Variants in KCNH8 observed in about 807,000 individuals in gnomAD.
KCNH8 encodes the protein voltage-gated delayed rectifier potassium channel KCNH8.
In KCNH8, 70 loss-of-function variants were observed where a neutral mutation model predicts 103.6. The ratio of observed to expected loss-of-function variants is 0.68; its 90% CI spans 0.56 to 0.82. KCNH8 has a LOEUF of 0.82. KCNH8 is among the 40% of genes least tolerant of loss of function. The pLI is 0.00. For synonymous variants in KCNH8, 498 were observed against 489.4 expected, an observed-to-expected ratio of 1.02 and a Z score of -0.23; for missense variants, 1,217 against 1,329.9, an observed-to-expected ratio of 0.92 and a Z score of 1.32.
chr3:19,499,240 A>C (rs1406125849), intron 11 of KCNH8, among the ~76,000 whole-genome samples: 4 of 152,176 alleles, frequency 2.6e-5, no homozygotes, highest in Admixed American at 2.0e-4. Context: ...AGTTTAGAGA[A>C]AAAAGAATAA....
chr3:19,364,821 A>G (rs1012460060), intron 5 of KCNH8, among the ~76,000 whole-genome samples: 2 of 152,146 alleles, frequency 1.3e-5, no homozygotes, highest in African/African-American at 2.4e-5. Context: ...TTACAAATCA[A>G]CTGTCAGTTC....
chr3:19,301,324 T>A (rs2065061818), intron 3 of KCNH8, among the ~76,000 whole-genome samples: 1 of 149,072 alleles, frequency 6.7e-6, no homozygotes, highest in Non-Finnish European at 1.5e-5. Context: ...ATTAGGGAAA[T>A]ATAAAGAAAA....
At chr3:19,260,513 T>TATATAC (rs2064418670) in intron 2 of KCNH8, among the ~76,000 whole-genome samples, 1 of 129,930 alleles carries the variant, frequency 7.7e-6, no homozygotes, top group Admixed American at 7.5e-5. Context: ...TATATATATA[T>TATATAC]ATATATATAT....
intron 2 of KCNH8, among the ~76,000 whole-genome samples, chr3:19,257,257 T>A (rs1186177669): frequency 6.6e-6 from 1 of 152,058 alleles, no homozygotes; most frequent in Non-Finnish European, 1.5e-5. Flanking sequence ...CTTTGCCTAT[T>A]TGTTCCTTAA....
chr3:19,425,515 T>C (rs1333407912), intron 7 of KCNH8, among the ~76,000 whole-genome samples: 1 of 152,158 alleles, frequency 6.6e-6, no homozygotes, highest in Non-Finnish European at 1.5e-5. Context: ...ATTAGCTAAT[T>C]AAGGGCTAGA....
chr3:19,358,760 T>C (rs1196149794), intron 5 of KCNH8, among the ~76,000 whole-genome samples: 3 of 151,934 alleles, frequency 2.0e-5, no homozygotes, highest in Non-Finnish European at 4.4e-5. Flanking sequence ...AAAAGCAGTG[T>C]GTCACCTTTT....
chr3:19,258,050 A>G (rs1241816491), intron 2 of KCNH8, among the ~76,000 whole-genome samples: 3 of 152,016 alleles, frequency 2.0e-5, no homozygotes, highest in African/African-American at 7.2e-5. Context: ...TGAGGGTATC[A>G]GTCACATTGG....
intron 3 of KCNH8, among the ~76,000 whole-genome samples, chr3:19,301,969 T>C (rs1343819570): frequency 6.6e-6 from 1 of 152,214 alleles, no homozygotes; most frequent in Non-Finnish European, 1.5e-5. Context: ...CTTCTGTTAC[T>C]GTGAACAAGG....
chr3:19,156,981 TTA>T (rs1491581075), intron 1 of KCNH8, among the ~76,000 whole-genome samples: 1 of 150,836 alleles, frequency 6.6e-6, no homozygotes, highest in Non-Finnish European at 1.5e-5. Context: ...TTTTTTTTTT[TTA>T]AAAAAAAGGT....
At chr3:19,305,280 A>G (rs2065115829) in intron 3 of KCNH8, among the ~76,000 whole-genome samples, 1 of 152,166 alleles carries the variant, frequency 6.6e-6, no homozygotes, top group East Asian at 1.9e-4. Flanking sequence ...GGTAGAAAAA[A>G]TAGATTTTCA....
At chr3:19,219,438 G>A (rs570592584) in intron 1 of KCNH8, among the ~76,000 whole-genome samples, 1 of 152,062 alleles carries the variant, frequency 6.6e-6, no homozygotes, top group South Asian at 2.1e-4. Context: ...TTTTTATTCT[G>A]TTGTAATCCA....
At chr3:19,294,685 C>T (rs2064972861) in intron 3 of KCNH8, among the ~76,000 whole-genome samples, 1 of 152,076 alleles carries the variant, frequency 6.6e-6, no homozygotes, top group African/African-American at 2.4e-5. Context: ...CTTTTTCTCC[C>T]AAAACCTTTT....
chr3:19,480,810 C>CT (rs1294421922), intron 11 of KCNH8, among the ~76,000 whole-genome samples: 1 of 152,130 alleles, frequency 6.6e-6, no homozygotes, highest in Non-Finnish European at 1.5e-5. Context: ...TATATTTTCT[C>CT]TGTCTGGTTC....
chr3:19,277,114 T>C (rs2064685067), intron 2 of KCNH8, among the ~76,000 whole-genome samples: 1 of 152,068 alleles, frequency 6.6e-6, no homozygotes, highest in South Asian at 2.1e-4. Flanking sequence ...AGACAAATAT[T>C]GCATGTTCTC....
Position 19,524,603 on chromosome 3 carries a change from G to A in KCNH8, c.2619+6529G>A, listed in dbSNP as rs573380173. 1.5e-4 allele frequency among the ~76,000 whole-genome samples: 23 copies of A among 151,338 alleles called. No homozygotes were observed. In the South Asian group the frequency reaches 4.6e-3, roughly 30 times the overall value. On this transcript the variant is annotated intron_variant, in intron 15 of 15. Coordinates refer to ENST00000328405, the MANE Select transcript of KCNH8 (RefSeq NM_144633.3). ...TGGATCTCTCAAAAGAAAAAAAAAC[G>A]TATGTCATTCAGAAAGCTTCTCCTG...
rs566519069 is a variant in KCNH8, at chr3:19,499,464, G to C, written c.2041-10899G>C. ...ACACCACAAAGATACTCCTTGAGAAGAGCAACTCCAAGACACATAATTGTC... is the reference window on the plus strand; with the variant it reads ...ACACCACAAAGATACTCCTTGAGAACAGCAACTCCAAGACACATAATTGTC... On this transcript the variant is annotated intron_variant, in intron 11 of 15. Coordinates refer to ENST00000328405, the MANE Select transcript of KCNH8 (RefSeq NM_144633.3). Among the ~76,000 whole-genome samples, 100 of 152,234 alleles carry C rather than the reference G, an allele frequency of 6.6e-4. 2 individuals carry two copies. In the East Asian group the frequency reaches 0.017, roughly 26 times the overall value.
intron 1 of KCNH8, among the ~76,000 whole-genome samples, chr3:19,179,782 C>G (rs145793658): frequency 1.3e-5 from 2 of 152,158 alleles, no homozygotes; most frequent in Non-Finnish European, 2.9e-5. Flanking sequence ...ACACATTGCA[C>G]TCTATATTCT....
intron 15 of KCNH8, among the ~76,000 whole-genome samples, chr3:19,524,804 T>C (rs549108079): frequency 1.3e-5 from 2 of 152,014 alleles, no homozygotes; most frequent in Admixed American, 6.6e-5. Flanking sequence ...AATTTTAGCA[T>C]GTTGAATTAA....
At chr3:19,198,009 G>A (rs1207750433) in intron 1 of KCNH8, among the ~76,000 whole-genome samples, 1 of 152,042 alleles carries the variant, frequency 6.6e-6, no homozygotes, top group Non-Finnish European at 1.5e-5. Flanking sequence ...GCAGCAAGGT[G>A]TGGGAAAGGT....
Sources: gnomAD v4.1 joint callset for allele counts (sites outside exome capture counted in the v4.1 genomes callset) on GRCh38, gnomAD v4.1.1 for gene constraint, MANE v1.5 for transcripts, NCBI Gene and HGNC (gene_info 2026-07-23, HGNC 2026-07-21) for gene names.